The following SLC1A1 variants were observed in gnomAD, a reference collection of about 807,000 sequenced individuals.
SLC1A1 encodes the protein solute carrier family 1 member 1, also known as excitatory amino acid transporter 3.
SLC1A1 carries 43 observed loss-of-function variants against 53.3 expected under a neutral mutation model. The observed-to-expected ratio is 0.81, with a 90% CI of 0.63 to 1.04. SLC1A1 has a LOEUF of 1.04. Among genes scored for constraint, SLC1A1 ranks in the 50% least tolerant of loss-of-function variants. SLC1A1 has a pLI of 0.00. For missense variants in SLC1A1, 748 were observed against 664.9 expected (o/e 1.12, Z -1.37); for synonymous variants, 307 against 243.2 (o/e 1.26, Z -2.44).
At chr9:4,538,067 G>T (rs1017069527) in intron 1 of SLC1A1, among the ~76,000 whole-genome samples, 3 of 152,120 alleles carry the variant, frequency 2.0e-5, no homozygotes, top group Non-Finnish European at 4.4e-5. Context: ...TTTAGTTCAA[G>T]GCCTGACATA....
chr9:4,509,950 C>T lies in SLC1A1; in HGVS notation c.91+19180C>T, dbSNP rs148701966. Among the ~76,000 whole-genome samples the T allele has an allele frequency of 1.1e-4, 17 of 152,284 alleles. No homozygotes were observed. In the East Asian group the frequency reaches 2.7e-3, roughly 24 times the overall value. Reference sequence around the variant, plus strand: ...CCAGGTTCAAGCAATTCTCTTGCCTCGGCCTTCCAAGTAGCTGGGATTACA... The same window carrying T: ...CCAGGTTCAAGCAATTCTCTTGCCTTGGCCTTCCAAGTAGCTGGGATTACA... On this transcript the variant is annotated intron_variant, in intron 1 of 11. Coordinates refer to ENST00000262352, the MANE Select transcript of SLC1A1 (RefSeq NM_004170.6).
At chr9:4,570,947 C>T (rs1819976743) in intron 6 of SLC1A1, among the ~76,000 whole-genome samples, 1 of 151,498 alleles carries the variant, frequency 6.6e-6, no homozygotes, top group African/African-American at 2.4e-5. Flanking sequence ...ACATGATTCA[C>T]AGTAGTAGGT....
In SLC1A1 at chr9:4,567,758, A is replaced by C. The variant is rs1221713383; in HGVS notation, c.573A>C (p.Ala191=). ...CCTTCACAGCTGTCATGACAACTGC[A>C]ATTTCCAAGGTACCATTCTTATTTC... ...EESFTAVMTT[A]ISKNKTKEYK... The change falls in exon 6 of 12, where the codon GCA becomes GCC. Residue 191 remains alanine (A), a synonymous_variant. Coordinates refer to ENST00000262352, the MANE Select transcript of SLC1A1 (RefSeq NM_004170.6). 6.3e-7 allele frequency: 1 copy of C among 1,596,952 alleles called. No individual in the cohort carries two copies. Among genetic ancestry groups the C allele is most frequent in the East Asian group, 2.2e-5 (1 of 44,802 alleles).
At chr9:4,490,873 G>C (rs1392637144) in intron 1 of SLC1A1, 103 bp downstream of exon 1, 4 of 1,001,440 alleles carry the variant, frequency 4.0e-6, no homozygotes, top group South Asian at 1.4e-5. Context: ...ACTCCATGCA[G>C]GGTCCCTCGA....
intron 1 of SLC1A1, among the ~76,000 whole-genome samples, chr9:4,500,288 T>G (rs756674060): frequency 2.6e-5 from 4 of 152,012 alleles, no homozygotes; most frequent in Non-Finnish European, 5.9e-5. Context: ...AAGTAGAAAG[T>G]GTTTTAAATG....
intron 1 of SLC1A1, among the ~76,000 whole-genome samples, chr9:4,527,898 G>A (rs1816320294): frequency 6.6e-6 from 1 of 152,082 alleles, no homozygotes; most frequent in Non-Finnish European, 1.5e-5. Flanking sequence ...AAACCCTCCT[G>A]AAGTAAGACC....
intron 1 of SLC1A1, among the ~76,000 whole-genome samples, chr9:4,533,260 C>A (rs936053830): frequency 5.9e-5 from 9 of 152,178 alleles, no homozygotes; most frequent in Non-Finnish European, 1.0e-4. Context: ...TTAAAAGACA[C>A]AGACTGGCAA....
chr9:4,542,204 A>G (rs1472059759), intron 1 of SLC1A1, among the ~76,000 whole-genome samples: 1 of 151,856 alleles, frequency 6.6e-6, no homozygotes, highest in African/African-American at 2.4e-5. Context: ...GGGAGGGAGG[A>G]AGGAAGGAAG....
intron 10 of SLC1A1, among the ~76,000 whole-genome samples, chr9:4,582,755 A>AT (rs1049593793): frequency 4.6e-5 from 7 of 152,046 alleles, no homozygotes; most frequent in Admixed American, 3.3e-4. Flanking sequence ...TCTCTTACTT[A>AT]TTTTTTGGTG....
At chr9:4,511,585 A>C (rs1206704222) in intron 1 of SLC1A1, among the ~76,000 whole-genome samples, 1 of 151,720 alleles carries the variant, frequency 6.6e-6, no homozygotes, top group East Asian at 1.9e-4. Flanking sequence ...ACACACACAC[A>C]CACACACACA....
intron 1 of SLC1A1, among the ~76,000 whole-genome samples, chr9:4,492,635 C>T (rs1820277005): frequency 6.6e-6 from 1 of 151,830 alleles, no homozygotes; most frequent in Non-Finnish European, 1.5e-5. Flanking sequence ...GCCATCTCTA[C>T]AAAAAAGTAC....
chr9:4,576,201 T>C (rs1474873187), intron 9 of SLC1A1, 78 bp downstream of exon 9: 2 of 1,439,364 alleles, frequency 1.4e-6, no homozygotes, highest in Admixed American at 1.7e-5. Context: ...CAAAACAGAC[T>C]CCAGCTTGCG....
chr9:4,508,648 T>C (rs1041793795), intron 1 of SLC1A1, among the ~76,000 whole-genome samples: 1 of 152,200 alleles, frequency 6.6e-6, no homozygotes, highest in Non-Finnish European at 1.5e-5. Context: ...TCGATGGCCC[T>C]GAGACAATAA....
At chr9:4,567,345 G>T (rs746532449) in intron 5 of SLC1A1, among the ~76,000 whole-genome samples, 81 of 152,216 alleles carry the variant, frequency 5.3e-4, no homozygotes, top group Admixed American at 1.4e-3. Flanking sequence ...TACAGAGTCT[G>T]TCTCTGACAG....
chr9:4,566,078 T>C lies in SLC1A1; in HGVS notation c.472T>C (p.Cys158Arg), dbSNP rs1397256714. The C allele has an allele frequency of 6.2e-7, 1 of 1,613,028 alleles. No individual in the cohort carries two copies. The highest frequency in any genetic ancestry group is 8.5e-7 in the Non-Finnish European group (1 of 1,179,136). The change falls in exon 5 of 12, where the codon TGT (cysteine) becomes CGT (arginine). Residue 158 changes from cysteine to arginine, a missense_variant. Physicochemically the swap from Cys to Arg is radical, Grantham distance 180 (BLOSUM62 -3). Transcript: ENST00000262352. Reference protein sequence around the residue: ...NMFPENLVQACFQQYKTKREE... With the variant: ...NMFPENLVQARFQQYKTKREE... ...GTTCCCTGAGAATCTTGTCCAGGCCTGTTTTCAGCAGGTAATATTAATTAC... is the reference window on the plus strand; with the variant it reads ...GTTCCCTGAGAATCTTGTCCAGGCCCGTTTTCAGCAGGTAATATTAATTAC...
intron 1 of SLC1A1, among the ~76,000 whole-genome samples, chr9:4,492,635 CA>C (rs1399384539): frequency 6.6e-6 from 1 of 151,830 alleles, no homozygotes; most frequent in Non-Finnish European, 1.5e-5. Flanking sequence ...GCCATCTCTA[CA>C]AAAAAGTACA....
At chr9:4,532,046 C>A (rs58892719) in intron 1 of SLC1A1, among the ~76,000 whole-genome samples, 3,715 of 152,214 alleles carry the variant, frequency 0.024, 157 homozygotes, top group African/African-American at 0.086. Flanking sequence ...CACACCAAAA[C>A]CCCATCTGTA....
At chr9:4,503,402 C>T (rs918596755) in intron 1 of SLC1A1, among the ~76,000 whole-genome samples, 3 of 151,878 alleles carry the variant, frequency 2.0e-5, no homozygotes, top group Non-Finnish European at 4.4e-5. Context: ...GAGTCAAAGT[C>T]TGTATTTTGT....
chr9:4,514,657 G>A (rs1301194760), intron 1 of SLC1A1, among the ~76,000 whole-genome samples: 2 of 152,120 alleles, frequency 1.3e-5, no homozygotes, highest in Non-Finnish European at 2.9e-5. Flanking sequence ...GTTGGGGCTG[G>A]GGCTAGGGTG....
Sources: gnomAD v4.1 joint callset for allele counts (sites outside exome capture counted in the v4.1 genomes callset) on GRCh38, gnomAD v4.1.1 for gene constraint, MANE v1.5 for transcripts, NCBI Gene and HGNC (gene_info 2026-07-23, HGNC 2026-07-21) for gene names.